The following SLC35D4 variants were observed in gnomAD, a reference collection of about 807,000 sequenced individuals.
SLC35D4 encodes the protein UDP-N-acetylglucosamine transporter SLC35D4.
the SLC35D4 span, among the ~76,000 whole-genome samples, chr18:23,386,722 C>A: frequency 3.0e-4 from 32 of 108,420 alleles, no homozygotes; most frequent in South Asian, 6.2e-4. Context: ...AAACTCTCAC[C>A]AAAAAAAAAA....
the SLC35D4 span, chr18:23,310,408 C>T: frequency 2.5e-6 from 1 of 397,952 alleles, no homozygotes; most frequent in Non-Finnish European, 3.4e-6. Context: ...AGCCACAGGA[C>T]TCAGACCCCA....
chr18:23,270,886 G>T, the SLC35D4 span, among the ~76,000 whole-genome samples: 1 of 152,198 alleles, frequency 6.6e-6, no homozygotes, highest in African/African-American at 2.4e-5. Flanking sequence ...TGAAACTTTG[G>T]ACTGTGGACT....
the SLC35D4 span, chr18:23,377,705 T>A: frequency 2.0e-6 from 3 of 1,506,364 alleles, no homozygotes; most frequent in South Asian, 4.2e-5. Flanking sequence ...CAATTAGACT[T>A]TTAAAACTTT....
the SLC35D4 span, among the ~76,000 whole-genome samples, chr18:23,418,450 C>G: frequency 2.6e-5 from 4 of 151,110 alleles, no homozygotes; most frequent in African/African-American, 9.7e-5. Context: ...CGGCTCACTG[C>G]AACCTCTGCC....
chr18:23,274,374 G>A, the SLC35D4 span, among the ~76,000 whole-genome samples: 35 of 152,322 alleles, frequency 2.3e-4, no homozygotes, highest in Admixed American at 7.8e-4. Context: ...GAAAGACCAT[G>A]GATTATAAAG....
chr18:23,344,567 T>TACCTTTTA, the SLC35D4 span, among the ~76,000 whole-genome samples: 3 of 151,506 alleles, frequency 2.0e-5, no homozygotes, highest in South Asian at 6.3e-4. Context: ...GGCTGTGGCT[T>TACCTTTTA]ACCTTTTAAT....
chr18:23,387,235 T>A, the SLC35D4 span, among the ~76,000 whole-genome samples: 1 of 152,122 alleles, frequency 6.6e-6, no homozygotes, highest in Non-Finnish European at 1.5e-5. Flanking sequence ...TTGATAATGA[T>A]AATGATGCTT....
the SLC35D4 span, among the ~76,000 whole-genome samples, chr18:23,425,496 T>C: frequency 3.3e-5 from 5 of 152,196 alleles, no homozygotes; most frequent in African/African-American, 1.2e-4. Flanking sequence ...TGAAAGAGCA[T>C]TGAATACACA....
the SLC35D4 span, among the ~76,000 whole-genome samples, chr18:23,249,677 G>T: frequency 6.6e-6 from 1 of 152,158 alleles, no homozygotes; most frequent in Admixed American, 6.5e-5. Flanking sequence ...TCTCGTTTTG[G>T]AGGATGAGGG....
chr18:23,398,062 C>T, the SLC35D4 span, among the ~76,000 whole-genome samples: 1 of 152,138 alleles, frequency 6.6e-6, no homozygotes, highest in Non-Finnish European at 1.5e-5. Flanking sequence ...AAGAGCAAAA[C>T]TCTGTCTCAA....
chr18:23,311,232 G>C, the SLC35D4 span, among the ~76,000 whole-genome samples: 1 of 151,708 alleles, frequency 6.6e-6, no homozygotes, highest in African/African-American at 2.4e-5. Context: ...TGGGCCTATA[G>C]GCATACACTG....
the SLC35D4 span, among the ~76,000 whole-genome samples, chr18:23,386,351 G>T: frequency 6.6e-6 from 1 of 152,018 alleles, no homozygotes; most frequent in Non-Finnish European, 1.5e-5. Context: ...GCACAGAGAA[G>T]GGGCAATGTG....
At chr18:23,405,719 A>G in the SLC35D4 span, among the ~76,000 whole-genome samples, 1 of 152,170 alleles carries the variant, frequency 6.6e-6, no homozygotes, top group Non-Finnish European at 1.5e-5. Context: ...GGGGAAGGAG[A>G]GAGAAAGCCT....
At chr18:23,395,815 C>T in the SLC35D4 span, among the ~76,000 whole-genome samples, 2 of 152,216 alleles carry the variant, frequency 1.3e-5, no homozygotes, top group Admixed American at 1.3e-4. Flanking sequence ...TGACCTTACT[C>T]AGTGTAGGAA....
At chr18:23,363,632 C>T in the SLC35D4 span, among the ~76,000 whole-genome samples, 1 of 152,036 alleles carries the variant, frequency 6.6e-6, no homozygotes, top group Non-Finnish European at 1.5e-5. Flanking sequence ...CCTCAGCCTC[C>T]CAAAGTGCTG....
chr18:23,408,453 G>A, the SLC35D4 span, among the ~76,000 whole-genome samples: 1 of 152,070 alleles, frequency 6.6e-6, no homozygotes, highest in Non-Finnish European at 1.5e-5. Context: ...TTGTTACAAG[G>A]GGAAAACAAC....
chr18:23,395,549 T>A, the SLC35D4 span, among the ~76,000 whole-genome samples: 1 of 152,222 alleles, frequency 6.6e-6, no homozygotes, highest in African/African-American at 2.4e-5. Context: ...TCCCTCCAGC[T>A]GCAGACCCTG....
At chr18:23,334,298 C>T in the SLC35D4 span, among the ~76,000 whole-genome samples, 1 of 152,116 alleles carries the variant, frequency 6.6e-6, no homozygotes, top group African/African-American at 2.4e-5. Flanking sequence ...AGATGCAACC[C>T]TGGGCCTGCT....
At chr18:23,282,945 AACTG>A in the SLC35D4 span, among the ~76,000 whole-genome samples, 1 of 147,628 alleles carries the variant, frequency 6.8e-6, no homozygotes, top group African/African-American at 2.5e-5. Context: ...TAAGCCCTCC[AACTG>A]ACTGAGGGGA....
Sources: allele counts gnomAD v4.1 joint callset (sites outside exome capture counted in the v4.1 genomes callset), GRCh38; gene constraint gnomAD v4.1.1; transcripts MANE v1.5; gene names NCBI Gene and HGNC (gene_info 2026-07-23, HGNC 2026-07-21).